Variants in LINGO2 observed in about 807,000 individuals in gnomAD.
LINGO2 encodes the protein leucine rich repeat and Ig domain containing 2, also known as leucine-rich repeat and immunoglobulin-like domain-containing nogo receptor-interacting protein 2.
In LINGO2, 14 loss-of-function variants were observed where a neutral mutation model predicts 30.6. The observed-to-expected ratio is 0.46, with a 90% confidence interval of 0.30 to 0.72. LINGO2 has a LOEUF of 0.72. Ranked by LOEUF, LINGO2 falls within the 30% of genes least tolerant of loss-of-function variation. The pLI is 0.07. For missense variants in LINGO2, 729 were observed against 751.7 expected, an observed-to-expected ratio of 0.97 and a Z score of 0.35; for synonymous variants, 317 against 288.5, an observed-to-expected ratio of 1.10 and a Z score of -1.00.
At chr9:28,321,511 T>C (rs1825041281) in intron 3 of LINGO2, among the ~76,000 whole-genome samples, 1 of 152,168 alleles carries the variant, frequency 6.6e-6, no homozygotes, top group Non-Finnish European at 1.5e-5. Context: ...ATGTGCTGTA[T>C]TAGTTAAGGT....
intron 1 of LINGO2, among the ~76,000 whole-genome samples, chr9:28,641,838 T>C (rs899183874): frequency 6.6e-6 from 1 of 152,118 alleles, no homozygotes; most frequent in Non-Finnish European, 1.5e-5. Flanking sequence ...TTTACCAGCG[T>C]TCCATTAATA....
chr9:27,962,517 G>A (rs1213643192), intron 5 of LINGO2, among the ~76,000 whole-genome samples: 1 of 152,132 alleles, frequency 6.6e-6, no homozygotes, highest in Non-Finnish European at 1.5e-5. Context: ...CCTGCTGTAG[G>A]CAAGGTCCCT....
intron 1 of LINGO2, among the ~76,000 whole-genome samples, chr9:28,540,041 G>A (rs1285841199): frequency 6.6e-6 from 1 of 152,078 alleles, no homozygotes; most frequent in Non-Finnish European, 1.5e-5. Context: ...GACAGCTAGG[G>A]TTAAGTGGTG....
At chr9:28,138,877 G>A (rs1241466280) in intron 4 of LINGO2, among the ~76,000 whole-genome samples, 2 of 152,166 alleles carry the variant, frequency 1.3e-5, no homozygotes, top group African/African-American at 2.4e-5. Flanking sequence ...AAGGGACAAA[G>A]AAGGAGAGAG....
At chr9:27,963,912 C>T (rs1819972427) in intron 5 of LINGO2, among the ~76,000 whole-genome samples, 1 of 151,958 alleles carries the variant, frequency 6.6e-6, no homozygotes, top group Non-Finnish European at 1.5e-5. Context: ...TAAAAGAAAT[C>T]AATTTTAGTA....
intron 1 of LINGO2, among the ~76,000 whole-genome samples, chr9:28,620,576 C>T (rs1826345439): frequency 1.3e-5 from 2 of 151,994 alleles, no homozygotes; most frequent in African/African-American, 2.4e-5. Context: ...CCTTTCAAGG[C>T]CGGGACCTCA....
chr9:28,465,111 T>C (rs1366933509), intron 2 of LINGO2, among the ~76,000 whole-genome samples: 1 of 152,200 alleles, frequency 6.6e-6, no homozygotes, highest in African/African-American at 2.4e-5. Context: ...ACTCTTTGTT[T>C]TGCTGTCTGT....
At chr9:29,085,481 C>A in the LINGO2 span, among the ~76,000 whole-genome samples, 1 of 151,790 alleles carries the variant, frequency 6.6e-6, no homozygotes, top group African/African-American at 2.4e-5. Flanking sequence ...ATAGTTATCA[C>A]CTTCCTCCAA....
At chr9:28,055,037 A>T (rs1020783327) in intron 4 of LINGO2, among the ~76,000 whole-genome samples, 4 of 151,872 alleles carry the variant, frequency 2.6e-5, no homozygotes, top group Non-Finnish European at 2.9e-5. Context: ...ACTTGCAAAA[A>T]AAATATATAT....
At chr9:28,096,724 A>G (rs1362443417) in intron 4 of LINGO2, among the ~76,000 whole-genome samples, 3 of 151,622 alleles carry the variant, frequency 2.0e-5, no homozygotes, top group Non-Finnish European at 2.9e-5. Flanking sequence ...AAGGAGTTCA[A>G]ATTGTACTTG....
intron 3 of LINGO2, among the ~76,000 whole-genome samples, chr9:28,353,063 A>T (rs1160786581): frequency 6.7e-6 from 1 of 149,084 alleles, no homozygotes; most frequent in East Asian, 2.0e-4. Context: ...AAGAAAACCT[A>T]GGCATTACCA....
At chr9:28,503,075 G>T (rs1819959093) in intron 1 of LINGO2, among the ~76,000 whole-genome samples, 1 of 151,918 alleles carries the variant, frequency 6.6e-6, no homozygotes, top group Admixed American at 6.6e-5. Context: ...AAATAAATTT[G>T]CATACTAAGG....
chr9:28,775,712 A>G, the LINGO2 span, among the ~76,000 whole-genome samples: 1 of 152,224 alleles, frequency 6.6e-6, no homozygotes, highest in Non-Finnish European at 1.5e-5. Context: ...TAATTTTAAG[A>G]AATGTGCATA....
the LINGO2 span, among the ~76,000 whole-genome samples, chr9:28,808,112 A>G: frequency 2.6e-5 from 4 of 152,140 alleles, no homozygotes; most frequent in Non-Finnish European, 5.9e-5. Context: ...GAATAATTCC[A>G]GTTTTTTCTC....
chr9:28,177,263 GC>G (rs1382142191), intron 4 of LINGO2, among the ~76,000 whole-genome samples: 51 of 152,136 alleles, frequency 3.4e-4, no homozygotes, highest in African/African-American at 1.2e-3. Flanking sequence ...ATGCTAGAAA[GC>G]TTTAGATATA....
chr9:28,963,737 T>C, the LINGO2 span, among the ~76,000 whole-genome samples: 98,715 of 151,704 alleles, frequency 0.65, 32,754 homozygotes, highest in Non-Finnish European at 0.72. Flanking sequence ...TTTGATCTTA[T>C]GGAGTTAAGT....
At chr9:28,884,930 AT>A in the LINGO2 span, among the ~76,000 whole-genome samples, 241 of 4,944 alleles carry the variant, frequency 0.049, 6 homozygotes, top group Non-Finnish European at 0.12. Flanking sequence ...TATATATAAT[AT>A]TATATATAAT....
At chr9:28,064,676 C>T (rs900871173) in intron 4 of LINGO2, among the ~76,000 whole-genome samples, 1 of 152,070 alleles carries the variant, frequency 6.6e-6, no homozygotes, top group Admixed American at 6.6e-5. Flanking sequence ...ACAATTAATA[C>T]CCAAGTGAAA....
At chr9:28,039,523 G>A (rs115571634) in intron 4 of LINGO2, among the ~76,000 whole-genome samples, 3,029 of 152,216 alleles carry the variant, frequency 0.02, 97 homozygotes, top group African/African-American at 0.068. Flanking sequence ...GTGTGTGTAT[G>A]TAAAAAGATG....
Sources: allele counts gnomAD v4.1 joint callset (sites outside exome capture counted in the v4.1 genomes callset), GRCh38; gene constraint gnomAD v4.1.1; transcripts MANE v1.5; gene names NCBI Gene and HGNC (gene_info 2026-07-23, HGNC 2026-07-21).